Variants in DNAI4 observed in about 807,000 individuals in gnomAD.
DNAI4 encodes WD repeat domain 78.
A neutral mutation model predicts 105.8 loss-of-function variants in DNAI4; 85 were observed. That is an observed-to-expected ratio of 0.80 (90% CI 0.67 to 0.96). The LOEUF is 0.96. Among genes scored for constraint, DNAI4 ranks in the 40% least tolerant of loss-of-function variants. DNAI4 has a pLI of 0.00. For synonymous variants in DNAI4, 352 were observed against 331.5 expected, an observed-to-expected ratio of 1.06 and a Z score of -0.67; for missense variants, 1,014 against 1,005.6, an observed-to-expected ratio of 1.01 and a Z score of -0.11.
Position 66,847,567 on chromosome 1 carries a change from T to C in DNAI4, c.1208A>G (p.Asp403Gly), listed in dbSNP as rs772282149. The change falls in exon 8 of 17, where the codon GAC becomes GGC. Residue 403 changes from aspartate (D) to glycine (G), a missense_variant. By Grantham distance (94) the Asp-to-Gly change is moderately conservative. Transcript: ENST00000371026. ...CAGAACCCGTTCCATAAAAAATAAG[T>C]CCTGATGAAATTTGTCAGATTTTAA... ...AILKSDKFHQ[D>G]LFFMERVLME... The C allele has an allele frequency of 1.9e-6, 3 of 1,614,022 alleles. No individual in the cohort carries two copies. Among genetic ancestry groups the C allele is most frequent in the Non-Finnish European group, 2.5e-6 (3 of 1,179,976 alleles).
At chr1:66,919,969 C>A (rs1473431229) in intron 1 of DNAI4, among the ~76,000 whole-genome samples, 1 of 152,222 alleles carries the variant, frequency 6.6e-6, no homozygotes, top group Non-Finnish European at 1.5e-5. Context: ...CAGGGAAATT[C>A]TGGGCAGAAG....
chr1:66,832,122 G>A lies in DNAI4; in HGVS notation c.2013+1463C>T, dbSNP rs80107869. On this transcript the variant is annotated intron_variant, in intron 13 of 16. Coordinates refer to ENST00000371026, the MANE Select transcript of DNAI4 (RefSeq NM_024763.5). ...CAATCATTGCCAAATGTTCCCTAAC[G>A]GGAAAATTCTCCCCTCCCTGCCCAC... 2.0e-4 allele frequency among the ~76,000 whole-genome samples: 30 copies of A among 152,236 alleles called. No homozygotes were observed. The East Asian group carries it at 5.0e-3, about 25-fold the overall frequency.
rs1167732856 is a variant in DNAI4 at position 66,893,053 on chromosome 1, A to AAGAAAGAAAGAGAG, written c.530+175_530+176insCTCTCTTTCTTTCT. Among the ~76,000 whole-genome samples the AAGAAAGAAAGAGAG allele has an allele frequency of 4.5e-4, 30 of 66,584 alleles. 4 individuals carry two copies. The highest frequency in any genetic ancestry group is 1.7e-3 in the African/African-American group (28 of 16,670). The allele number at this position is 66,584 out of a possible 152,430, so 43.7% of individuals were successfully genotyped here. The stretch of plus-strand genomic sequence containing the variant: ...AAGAGAGGAAAGAAAGAAAGAAAGA[A>AAGAAAGAAAGAGAG]AGAGAGAGAGAGAAAGAAAGAAAGA... On this transcript the variant is annotated intron_variant, in intron 3 of 16. Transcript: ENST00000371026.
intron 4 of DNAI4, among the ~76,000 whole-genome samples, chr1:66,889,540 T>G (rs1647418033): frequency 1.3e-5 from 2 of 152,250 alleles, no homozygotes; most frequent in African/African-American, 4.8e-5. Flanking sequence ...CAATTCTTGT[T>G]AGTTGGGTAT....
chr1:66,888,157 T>C (rs1030836763), intron 4 of DNAI4, among the ~76,000 whole-genome samples: 1 of 152,136 alleles, frequency 6.6e-6, no homozygotes, highest in East Asian at 1.9e-4. Flanking sequence ...CCTTGCCACC[T>C]GTGTAGGTAG....
At chr1:66,837,074 A>T (rs1646040572) in intron 10 of DNAI4, among the ~76,000 whole-genome samples, 1 of 152,208 alleles carries the variant, frequency 6.6e-6, no homozygotes, top group Non-Finnish European at 1.5e-5. Flanking sequence ...TTTAAAAAAC[A>T]TAATTTTCAG....
At chr1:66,836,723 A>C (rs1646034011) in intron 10 of DNAI4, among the ~76,000 whole-genome samples, 1 of 152,210 alleles carries the variant, frequency 6.6e-6, no homozygotes, top group Non-Finnish European at 1.5e-5. Context: ...TGTGCTATAT[A>C]AACCCAGATC....
At chr1:66,840,751 C>T (rs1226231062) in intron 8 of DNAI4, 80 bp from the exon 9 acceptor site, 3 of 1,385,590 alleles carry the variant, frequency 2.2e-6, no homozygotes, top group East Asian at 2.3e-5. Context: ...GCATATCTAC[C>T]CACCACTGAC....
intron 7 of DNAI4, 68 bp downstream of exon 7, chr1:66,862,079 C>CA (rs952844580): frequency 1.1e-4 from 160 of 1,448,934 alleles, no homozygotes; most frequent in Non-Finnish European, 1.3e-4. Flanking sequence ...TGTTAACTGC[C>CA]AAAAAAGAAT....
intron 4 of DNAI4, 91 bp downstream of exon 4, chr1:66,891,063 A>C: frequency 1.0e-6 from 1 of 1,002,614 alleles, no homozygotes; most frequent in African/African-American, 1.6e-5. Context: ...AATCATTACC[A>C]TATTTCTTTT....
intron 8 of DNAI4, among the ~76,000 whole-genome samples, chr1:66,841,079 T>C (rs1243167984): frequency 6.6e-6 from 1 of 152,208 alleles, no homozygotes; most frequent in Non-Finnish European, 1.5e-5. Flanking sequence ...GAAACTTCAC[T>C]GAGGTAGAAG....
At position 66,849,998 on chromosome 1, in the gene DNAI4, T is replaced by C. The variant is rs1326284020; in HGVS notation, c.1097-2320A>G. Among the ~76,000 whole-genome samples the C allele has an allele frequency of 2.6e-5, 4 of 152,036 alleles. No individual in the cohort carries two copies. In the East Asian group the frequency reaches 5.8e-4, roughly 22 times the overall value. On this transcript the variant is annotated intron_variant, in intron 7 of 16. Coordinates refer to ENST00000371026, the MANE Select transcript of DNAI4 (RefSeq NM_024763.5). ...AACGGGGTGAGCCTGAAAAAGTACT[T>C]AAAGAAATAATAGCTGAAAACTTCC...
rs568802752 is a variant in DNAI4 at position 66,855,797 on chromosome 1, A to G, written c.1096+6350T>C. ...CTCTATATCAGTAATTAACAGATCAACAGACAGAAAATCAGTAAAGATATA... is the reference window on the plus strand; with the variant it reads ...CTCTATATCAGTAATTAACAGATCAGCAGACAGAAAATCAGTAAAGATATA... On this transcript the variant is annotated intron_variant, in intron 7 of 16. Transcript: ENST00000371026. 2.0e-5 allele frequency among the ~76,000 whole-genome samples: 3 copies of G among 152,322 alleles called. No homozygotes were observed. In the South Asian group the frequency reaches 6.2e-4, roughly 32 times the overall value.
Position 66,858,552 on chromosome 1 carries a change from G to GAAAAAAAAAAAAA in DNAI4, c.1096+3594_1096+3595insTTTTTTTTTTTTT, listed in dbSNP as rs1646554782. ...CGTCTCAAAAAAAAAAAAAAAAAATGCAAAAATCCTCAACAAAATATTAGC... is the reference window on the plus strand; with the variant it reads ...CGTCTCAAAAAAAAAAAAAAAAAATGAAAAAAAAAAAAACAAAAATCCTCAACAAAATATTAGC... On this transcript the variant is annotated intron_variant, in intron 7 of 16. Coordinates refer to ENST00000371026, the MANE Select transcript of DNAI4 (RefSeq NM_024763.5). Among the ~76,000 whole-genome samples, 4 of 108,520 alleles carry GAAAAAAAAAAAAA rather than the reference G, an allele frequency of 3.7e-5. 1 individual carries two copies. Among genetic ancestry groups the GAAAAAAAAAAAAA allele is most frequent in the Non-Finnish European group, 5.6e-5 (3 of 53,688 alleles). 71.2% of individuals were successfully genotyped at this position (108,520 alleles called of 152,430 possible).
chr1:66,837,325 A>G (rs1254972252), intron 10 of DNAI4, among the ~76,000 whole-genome samples: 1 of 145,952 alleles, frequency 6.9e-6, no homozygotes, highest in Non-Finnish European at 1.5e-5. Flanking sequence ...AGATTGCGCC[A>G]CTGCACTCCA....
chr1:66,905,622 G>T (rs564981642), intron 1 of DNAI4, among the ~76,000 whole-genome samples: 3 of 152,184 alleles, frequency 2.0e-5, no homozygotes, highest in East Asian at 1.9e-4. Context: ...AAGCCACAGA[G>T]GCTTTAAGGG....
At chr1:66,827,720 A>C (rs1412943338) in intron 14 of DNAI4, 92 bp downstream of exon 14, 4 of 626,094 alleles carry the variant, frequency 6.4e-6, no homozygotes, top group Non-Finnish European at 1.0e-5. Context: ...CTGAAGTTGT[A>C]AATTTATTGC....
At chr1:66,856,366 G>A (rs577688621) in intron 7 of DNAI4, among the ~76,000 whole-genome samples, 3 of 151,644 alleles carry the variant, frequency 2.0e-5, no homozygotes, top group Admixed American at 6.6e-5. Context: ...CCAGCTACTC[G>A]GGAGGCTGAG....
At chr1:66,893,071 A>AAGAAAG (rs1647933107) in intron 3 of DNAI4, among the ~76,000 whole-genome samples, 158 bp downstream of exon 3, 1 of 122,378 alleles carries the variant, frequency 8.2e-6, no homozygotes, top group South Asian at 2.4e-4. Flanking sequence ...GAGAGAAAGA[A>AAGAAAG]AGAAAGAAAG....
Sources: gnomAD v4.1 joint callset for allele counts (sites outside exome capture counted in the v4.1 genomes callset) on GRCh38, gnomAD v4.1.1 for gene constraint, MANE v1.5 for transcripts, NCBI Gene and HGNC (gene_info 2026-07-23, HGNC 2026-07-21) for gene names.